Variants in METTL25 observed in about 807,000 individuals in gnomAD.
METTL25 encodes the protein probable methyltransferase-like protein 25.
A neutral mutation model predicts 71.6 loss-of-function variants in METTL25; 64 were observed. The observed-to-expected ratio is 0.89, with a 90% CI of 0.73 to 1.10. The LOEUF is 1.10. METTL25 is among the 50% of genes least tolerant of loss of function. METTL25 has a pLI of 0.00. For missense variants in METTL25, 807 were observed against 707.0 expected (o/e 1.14, Z -1.60); for synonymous variants, 287 against 250.3 (o/e 1.15, Z -1.38).
intron 5 of METTL25, among the ~76,000 whole-genome samples, chr12:82,419,395 T>G (rs930807681): frequency 6.6e-6 from 1 of 152,100 alleles, no homozygotes; most frequent in African/African-American, 2.4e-5. Flanking sequence ...TGCCTGCTTT[T>G]CAGTTGTACA....
chr12:82,408,914 C>T (rs1887328591), intron 5 of METTL25, among the ~76,000 whole-genome samples: 1 of 152,080 alleles, frequency 6.6e-6, no homozygotes, highest in Admixed American at 6.6e-5. Context: ...GTCATGTGTC[C>T]TTCTCTTAAT....
chr12:82,460,483 A>G (rs1187591511), intron 9 of METTL25, among the ~76,000 whole-genome samples: 1 of 152,220 alleles, frequency 6.6e-6, no homozygotes, highest in East Asian at 1.9e-4. Flanking sequence ...ATCAAGCTCA[A>G]CATGAACAGT....
chr12:82,467,711 A>C (rs1400183267), intron 9 of METTL25, among the ~76,000 whole-genome samples: 1 of 151,836 alleles, frequency 6.6e-6, no homozygotes, highest in Non-Finnish European at 1.5e-5. Context: ...ATGATTTTAG[A>C]ATTCTTTATT....
intron 5 of METTL25, among the ~76,000 whole-genome samples, chr12:82,420,965 G>A (rs566205928): frequency 7.2e-5 from 11 of 152,150 alleles, no homozygotes; most frequent in African/African-American, 2.2e-4. Context: ...AGGTTCAAGA[G>A]ATTCTCCTGC....
intron 1 of METTL25, among the ~76,000 whole-genome samples, chr12:82,377,989 C>T (rs530845073): frequency 1.3e-5 from 2 of 151,910 alleles, no homozygotes; most frequent in East Asian, 1.9e-4. Flanking sequence ...TGATTTAGGC[C>T]GACACTTGTG....
intron 9 of METTL25, among the ~76,000 whole-genome samples, chr12:82,459,690 T>C (rs1450322224): frequency 6.6e-6 from 1 of 152,162 alleles, no homozygotes; most frequent in Non-Finnish European, 1.5e-5. Flanking sequence ...TTTGATGGGC[T>C]TATTATTAGG....
chr12:82,398,969 A>G lies in METTL25; in HGVS notation c.706A>G (p.Asn236Asp). 1 of 1,609,378 alleles carries G rather than the reference A, an allele frequency of 6.2e-7. No individual in the cohort carries two copies. Among genetic ancestry groups the G allele is most frequent in the Non-Finnish European group, 8.5e-7 (1 of 1,177,904 alleles). ...LCHAQSRLDVNGLALKMAKER... is the reference protein window; with the variant it reads ...LCHAQSRLDVDGLALKMAKER... ...TCATGCTCAGTCAAGATTAGATGTC[A>G]ATGGACTAGCATTAAAAATGGCAAA... Residue 236 changes from asparagine to aspartate, a missense_variant, in exon 4 of 12, where the codon AAT becomes GAT. Asn to Asp is a conservative substitution (Grantham distance 23). Coordinates refer to ENST00000248306, the MANE Select transcript of METTL25 (RefSeq NM_032230.3).
At position 82,382,724 on chromosome 12, in the gene METTL25, C is replaced by CT. The variant is rs1197150916; in HGVS notation, c.260-4070dup. Among the ~76,000 whole-genome samples the CT allele has an allele frequency of 2.1e-3, 314 of 151,538 alleles. 1 individual carries two copies. Among genetic ancestry groups the CT allele is most frequent in the African/African-American group, 7.2e-3 (299 of 41,346 alleles). ...AAAATGACTTTTTAATTTCTTAAAA[C>CT]TTTTTTTTTGACTCAGGGTCTTGCT... On this transcript the variant is annotated intron_variant, in intron 1 of 11. Transcript: ENST00000248306.
At chr12:82,471,510 G>A (rs1892567172) in intron 9 of METTL25, among the ~76,000 whole-genome samples, 1 of 152,228 alleles carries the variant, frequency 6.6e-6, no homozygotes, top group African/African-American at 2.4e-5. Flanking sequence ...AGCATTCTGT[G>A]AAACAGAATA....
intron 5 of METTL25, among the ~76,000 whole-genome samples, chr12:82,421,928 C>A (rs1220795824): frequency 6.6e-6 from 1 of 152,154 alleles, no homozygotes; most frequent in Non-Finnish European, 1.5e-5. Flanking sequence ...CAAAAAAAGT[C>A]CAGGACCTGA....
intron 8 of METTL25, among the ~76,000 whole-genome samples, chr12:82,440,375 T>G (rs1226882762): frequency 6.6e-6 from 1 of 152,028 alleles, no homozygotes; most frequent in Non-Finnish European, 1.5e-5. Flanking sequence ...ATCAGTCAGC[T>G]ACCTCCAAAA....
intron 5 of METTL25, among the ~76,000 whole-genome samples, chr12:82,405,603 A>C (rs1429279407): frequency 6.6e-6 from 1 of 152,208 alleles, no homozygotes; most frequent in African/African-American, 2.4e-5. Context: ...CTAATAGATT[A>C]TTGCTTTAAA....
intron 8 of METTL25, among the ~76,000 whole-genome samples, chr12:82,446,913 G>A (rs973553985): frequency 2.0e-5 from 3 of 151,982 alleles, no homozygotes; most frequent in Non-Finnish European, 2.9e-5. Context: ...CACCACGCCC[G>A]GCCTTAAAAT....
chr12:82,391,829 G>C (rs1885617050), intron 3 of METTL25, among the ~76,000 whole-genome samples: 2 of 150,450 alleles, frequency 1.3e-5, no homozygotes. Flanking sequence ...TTCCATAATG[G>C]CTGTCTAATT....
chr12:82,449,776 T>C (rs1891007663), intron 8 of METTL25, among the ~76,000 whole-genome samples: 1 of 152,154 alleles, frequency 6.6e-6, no homozygotes, highest in Admixed American at 6.6e-5. Context: ...TGTATCATAG[T>C]GCTTAAGAGC....
chr12:82,368,030 G>A lies in METTL25; in HGVS notation c.259+9206G>A, dbSNP rs111814607. On this transcript the variant is annotated intron_variant, in intron 1 of 11. Transcript: ENST00000248306. ...AAGTAAATGAGATATATATTAAAACGTAGTGTGCAAATGAGTAGGCCCCAT... is the reference window on the plus strand; with the variant it reads ...AAGTAAATGAGATATATATTAAAACATAGTGTGCAAATGAGTAGGCCCCAT... Among the ~76,000 whole-genome samples, 600 of 152,056 alleles carry A rather than the reference G, an allele frequency of 3.9e-3. 2 individuals carry two copies. The highest frequency in any genetic ancestry group is 0.014 in the African/African-American group (570 of 41,482).
chr12:82,372,250 TG>T (rs1883318478), intron 1 of METTL25, among the ~76,000 whole-genome samples: 1 of 152,168 alleles, frequency 6.6e-6, no homozygotes, highest in African/African-American at 2.4e-5. Context: ...GAAGGGGACA[TG>T]TACCTGGGTT....
At chr12:82,427,822 G>A (rs1004335562) in intron 5 of METTL25, among the ~76,000 whole-genome samples, 46 of 151,950 alleles carry the variant, frequency 3.0e-4, no homozygotes, top group Non-Finnish European at 5.0e-4. Flanking sequence ...TATATTCCAA[G>A]ATTGCTGAGC....
intron 5 of METTL25, among the ~76,000 whole-genome samples, chr12:82,422,899 A>G (rs545998828): frequency 6.2e-4 from 94 of 152,314 alleles, no homozygotes; most frequent in African/African-American, 2.1e-3. Flanking sequence ...ATAAAAGAGG[A>G]TACAAACAAA....
Sources: gnomAD v4.1 joint callset for allele counts (sites outside exome capture counted in the v4.1 genomes callset) on GRCh38, gnomAD v4.1.1 for gene constraint, MANE v1.5 for transcripts, NCBI Gene and HGNC (gene_info 2026-07-23, HGNC 2026-07-21) for gene names.